Variants in ARHGEF10 observed in about 807,000 individuals in gnomAD.
ARHGEF10 encodes Rho guanine nucleotide exchange factor 10.
ARHGEF10 carries 140 observed loss-of-function variants against 147.4 expected under a neutral mutation model. That is an observed-to-expected ratio of 0.95 (90% confidence interval 0.83 to 1.09). The LOEUF is 1.09. ARHGEF10 is among the 50% of genes least tolerant of loss of function. ARHGEF10 has a pLI of 0.00. For synonymous variants in ARHGEF10, 902 were observed against 695.8 expected, an observed-to-expected ratio of 1.30 and a Z score of -4.67; for missense variants, 2,222 against 1,752.7, an observed-to-expected ratio of 1.27 and a Z score of -4.78.
intron 1 of ARHGEF10, among the ~76,000 whole-genome samples, chr8:1,842,542 G>C (rs1369019776): frequency 6.6e-6 from 1 of 152,222 alleles, no homozygotes; most frequent in African/African-American, 2.4e-5. Context: ...GCCCCCTGTG[G>C]TCCCATGTGC....
chr8:1,848,321 T>C (rs1804714276), intron 2 of ARHGEF10, among the ~76,000 whole-genome samples: 1 of 152,232 alleles, frequency 6.6e-6, no homozygotes, highest in African/African-American at 2.4e-5. Flanking sequence ...CTTTCCATTC[T>C]GTGATTCCTT....
intron 1 of ARHGEF10, among the ~76,000 whole-genome samples, chr8:1,836,777 G>C (rs1803608633): frequency 6.6e-6 from 1 of 152,180 alleles, no homozygotes. Context: ...GAATTCCCAT[G>C]TGTTGTGGGA....
chr8:1,936,408 G>T (rs1236348374), intron 26 of ARHGEF10, among the ~76,000 whole-genome samples: 4 of 152,162 alleles, frequency 2.6e-5, no homozygotes, highest in African/African-American at 9.7e-5. Context: ...TATTCGGGAG[G>T]CTGAAGTGGG....
intron 10 of ARHGEF10, among the ~76,000 whole-genome samples, chr8:1,883,394 C>G (rs1424963266): frequency 1.3e-5 from 2 of 152,194 alleles, no homozygotes; most frequent in Admixed American, 6.5e-5. Context: ...ACAGGGGTCG[C>G]TGTGACTCTG....
chr8:1,860,803 C>T (rs544971123), intron 4 of ARHGEF10, among the ~76,000 whole-genome samples: 21 of 152,084 alleles, frequency 1.4e-4, no homozygotes, highest in East Asian at 5.8e-4. Context: ...ATGTATGTCC[C>T]GTGTCACCTG....
rs1563329090 is a variant in ARHGEF10, at chr8:1,948,548, T to C, written c.3397+2893T>C. Among the ~76,000 whole-genome samples the C allele has an allele frequency of 1.3e-5, 2 of 152,324 alleles. No individual in the cohort carries two copies. Among genetic ancestry groups the C allele is most frequent in the Non-Finnish European group, 2.9e-5 (2 of 68,034 alleles). On this transcript the variant is annotated intron_variant, in intron 27 of 28. Coordinates refer to ENST00000349830, the MANE Select transcript of ARHGEF10 (RefSeq NM_014629.4). This position sits in a 1 kb window ranked among gnomAD's most constrained non-coding sequence, Gnocchi z 4.9. ...GTCAGCAGGAGAAAGGTACACGGGTTAGAGGCAACCTCGGTGACACCAGAA... is the reference window on the plus strand; with the variant it reads ...GTCAGCAGGAGAAAGGTACACGGGTCAGAGGCAACCTCGGTGACACCAGAA...
intron 11 of ARHGEF10, among the ~76,000 whole-genome samples, chr8:1,890,798 G>C (rs149262314): frequency 6.6e-6 from 1 of 152,132 alleles, no homozygotes; most frequent in East Asian, 1.9e-4. Context: ...GAGGAAAGAG[G>C]TTTGACCTTT....
intron 1 of ARHGEF10, among the ~76,000 whole-genome samples, chr8:1,830,384 G>C (rs1404581639): frequency 6.6e-6 from 1 of 152,202 alleles, no homozygotes; most frequent in African/African-American, 2.4e-5. Context: ...AAACACCTGC[G>C]AGCACCTTCT....
Position 1,957,511 on chromosome 8 carries a change from A to T in ARHGEF10, c.*248A>T. The T allele has an allele frequency of 1.7e-6, 1 of 603,378 alleles. No individual in the cohort carries two copies. The allele number at this position is 603,378 out of a possible 1,614,324, so 37.4% of individuals were successfully genotyped here. On this transcript the variant is annotated 3_prime_UTR_variant, in exon 29 of 29. Transcript: ENST00000349830. ...GACTGATGCAATTTTCGAGTAATTG[A>T]GTGCAGTTCTGGGAAAATACCACAT...
intron 25 of ARHGEF10, among the ~76,000 whole-genome samples, chr8:1,930,732 C>G (rs1287564196): frequency 6.6e-6 from 1 of 152,254 alleles, no homozygotes; most frequent in Non-Finnish European, 1.5e-5. Context: ...GAGGCTCTCT[C>G]GACCTGCTCC....
At chr8:1,889,363 G>T (rs191552127) in intron 11 of ARHGEF10, among the ~76,000 whole-genome samples, 1 of 108,930 alleles carries the variant, frequency 9.2e-6, no homozygotes, top group Non-Finnish European at 1.9e-5. Flanking sequence ...GACACTGAGT[G>T]GGGTGAGGGG....
chr8:1,881,884 G>C (rs996628723), intron 9 of ARHGEF10, among the ~76,000 whole-genome samples: 2 of 152,204 alleles, frequency 1.3e-5, no homozygotes, highest in African/African-American at 4.8e-5. Flanking sequence ...ATCTTTTAAA[G>C]ACGAAATCAC....
chr8:1,896,907 C>A (rs1327202624), intron 14 of ARHGEF10, among the ~76,000 whole-genome samples: 1 of 152,208 alleles, frequency 6.6e-6, no homozygotes, highest in African/African-American at 2.4e-5. Flanking sequence ...CACTGATGGC[C>A]TTCCTCAGGG....
intron 18 of ARHGEF10, among the ~76,000 whole-genome samples, chr8:1,919,822 A>G (rs906480706): frequency 3.5e-5 from 5 of 142,180 alleles, no homozygotes; most frequent in African/African-American, 8.2e-5. Flanking sequence ...TCTGTGGGTG[A>G]TGAGCTGTTC....
At chr8:1,885,402 C>G (rs1808570505) in intron 10 of ARHGEF10, among the ~76,000 whole-genome samples, 199 bp from the exon 11 acceptor site, 1 of 152,080 alleles carries the variant, frequency 6.6e-6, no homozygotes, top group Non-Finnish European at 1.5e-5. Context: ...TAAATACAGA[C>G]AAATATTGTA....
chr8:1,944,163 A>C (rs1814356097), intron 26 of ARHGEF10, among the ~76,000 whole-genome samples: 1 of 144,716 alleles, frequency 6.9e-6, no homozygotes, highest in Non-Finnish European at 1.5e-5. Context: ...CTCCCTCGGG[A>C]TCCCAGCTTC....
At chr8:1,888,888 G>T (rs561727232) in intron 11 of ARHGEF10, among the ~76,000 whole-genome samples, 1 of 134,444 alleles carries the variant, frequency 7.4e-6, no homozygotes, top group Non-Finnish European at 1.5e-5. Flanking sequence ...GTTATGAGGA[G>T]ACACTGAGTT....
intron 1 of ARHGEF10, among the ~76,000 whole-genome samples, chr8:1,826,508 G>A (rs1289821709): frequency 6.6e-6 from 1 of 152,120 alleles, no homozygotes; most frequent in African/African-American, 2.4e-5. Flanking sequence ...ACAGACCTGG[G>A]TTGAGGTGGG....
intron 1 of ARHGEF10, among the ~76,000 whole-genome samples, chr8:1,842,217 G>C (rs1046672173): frequency 6.6e-6 from 1 of 152,162 alleles, no homozygotes; most frequent in South Asian, 2.1e-4. Flanking sequence ...GCAGAAGGGC[G>C]GGCACTGGGC....
Sources: gnomAD v4.1 joint callset for allele counts (sites outside exome capture counted in the v4.1 genomes callset) on GRCh38, gnomAD v4.1.1 for gene constraint, Gnocchi (gnomAD v3.1) non-coding constraint, MANE v1.5 for transcripts, NCBI Gene and HGNC (gene_info 2026-07-23, HGNC 2026-07-21) for gene names.